OXR1: variants seen among roughly 807,000 people sequenced by gnomAD.
OXR1 encodes oxidation resistance protein 1.
OXR1 carries 41 observed loss-of-function variants against 104.6 expected under a neutral mutation model. That is an observed-to-expected ratio of 0.39 (90% CI 0.31 to 0.51). OXR1 has a LOEUF of 0.51. OXR1 is among the 20% of genes least tolerant of loss of function. The pLI, the probability that OXR1 is intolerant of heterozygous loss-of-function variation, is 0.77. For synonymous variants in OXR1, 348 were observed against 348.4 expected, an observed-to-expected ratio of 1.00 and a Z score of 0.01; for missense variants, 955 against 1,031.9, an observed-to-expected ratio of 0.93 and a Z score of 1.02.
intron 7 of OXR1, chr8:106,697,963 T>G (rs1334103114): frequency 5.6e-6 from 9 of 1,612,748 alleles, no homozygotes; most frequent in Non-Finnish European, 7.6e-6. Flanking sequence ...TTTCTCAATC[T>G]TCTGCTGCAC....
At chr8:106,591,665 A>G (rs1300349146) in intron 3 of OXR1, among the ~76,000 whole-genome samples, 3 of 152,128 alleles carry the variant, frequency 2.0e-5, no homozygotes, top group Non-Finnish European at 4.4e-5. Context: ...GGAATCATAA[A>G]TATTGCTACC....
intron 3 of OXR1, among the ~76,000 whole-genome samples, chr8:106,636,319 T>G (rs935835575): frequency 1.3e-5 from 2 of 152,172 alleles, no homozygotes; most frequent in Non-Finnish European, 2.9e-5. Flanking sequence ...CACATCATTT[T>G]TTTTTTTTTA....
In OXR1 at chr8:106,491,212, G is replaced by A. The variant is rs145848561; in HGVS notation, c.24-27731G>A. Among the ~76,000 whole-genome samples, 205 of 152,204 alleles carry A rather than the reference G, an allele frequency of 1.3e-3. 1 individual carries two copies. The highest frequency in any genetic ancestry group is 4.6e-3 in the African/African-American group (189 of 41,538). The stretch of plus-strand genomic sequence containing the variant: ...CTCTGCCAATCTTACTTAGATACTG[G>A]CCTTGCTTTCCTTTCTTTTTCATTT... On this transcript the variant is annotated intron_variant, in intron 2 of 16. Transcript: ENST00000517566.
intron 2 of OXR1, among the ~76,000 whole-genome samples, chr8:106,475,513 T>G (rs1052544583): frequency 6.6e-6 from 1 of 151,784 alleles, no homozygotes; most frequent in Admixed American, 6.6e-5. Context: ...GCAGGCATAC[T>G]TGGTATAACT....
chr8:106,305,255 C>A (rs1813422024), intron 1 of OXR1, among the ~76,000 whole-genome samples: 1 of 152,008 alleles, frequency 6.6e-6, no homozygotes, highest in Admixed American at 6.6e-5. Context: ...TTTGTGTTAA[C>A]AAGTTTTCTT....
chr8:106,706,445 T>G lies in OXR1; in HGVS notation c.924T>G (p.Thr308=), dbSNP rs1342975839. ...CAAAGAAAATGACAGGAAGTAACAC[T>G]GAGGAAATAGACTCAAGAATCCGAG... The part of the protein sequence containing the change: ...CHSKKMTGSN[T]EEIDSRIRDA... The change falls in exon 9 of 17, where the codon ACT becomes ACG. Residue 308 remains threonine, a synonymous_variant. Transcript: ENST00000517566. 4 of 1,599,400 alleles carry G rather than the reference T, an allele frequency of 2.5e-6. No individual in the cohort carries two copies. The highest frequency in any genetic ancestry group is 2.2e-5 in the East Asian group (1 of 44,578).
intron 11 of OXR1, among the ~76,000 whole-genome samples, chr8:106,726,939 A>C (rs913412344): frequency 3.3e-5 from 5 of 152,154 alleles, no homozygotes; most frequent in African/African-American, 1.2e-4. Context: ...TATTTTGCTT[A>C]TGAATGTTTA....
chr8:106,445,496 C>T (rs1039004517), intron 2 of OXR1, among the ~76,000 whole-genome samples: 2 of 152,188 alleles, frequency 1.3e-5, no homozygotes, highest in Non-Finnish European at 2.9e-5. Flanking sequence ...CCCAGATGCA[C>T]CACTTCCAGC....
chr8:106,696,658 G>C (rs1830060796), intron 7 of OXR1, among the ~76,000 whole-genome samples: 1 of 152,154 alleles, frequency 6.6e-6, no homozygotes, highest in African/African-American at 2.4e-5. Context: ...CGTTCTAATA[G>C]ATCCGTAGTG....
At chr8:106,463,730 G>A (rs1321462634) in intron 2 of OXR1, among the ~76,000 whole-genome samples, 3 of 152,172 alleles carry the variant, frequency 2.0e-5, no homozygotes, top group Non-Finnish European at 4.4e-5. Flanking sequence ...TTGTCTAAAC[G>A]AGCCTATCCG....
intron 1 of OXR1, among the ~76,000 whole-genome samples, chr8:106,356,399 G>T (rs77446193): frequency 1.8e-4 from 27 of 152,176 alleles, no homozygotes; most frequent in African/African-American, 5.8e-4. Context: ...GTCAAACTGA[G>T]GGAAACATTA....
At chr8:106,369,114 T>C (rs917863460) in intron 2 of OXR1, among the ~76,000 whole-genome samples, 18 of 152,254 alleles carry the variant, frequency 1.2e-4, no homozygotes, top group African/African-American at 4.1e-4. Flanking sequence ...TGAGATGGTA[T>C]CTCACTGTGG....
chr8:106,571,663 T>C (rs536693628), intron 3 of OXR1, among the ~76,000 whole-genome samples: 1 of 152,256 alleles, frequency 6.6e-6, no homozygotes, highest in South Asian at 2.1e-4. Context: ...GTCCAAAGTC[T>C]TATCTAACTC....
intron 2 of OXR1, among the ~76,000 whole-genome samples, chr8:106,366,935 T>A (rs1162799685): frequency 6.6e-6 from 1 of 152,096 alleles, no homozygotes; most frequent in African/African-American, 2.4e-5. Context: ...TTTTGTTTGG[T>A]TTTTATTTGT....
chr8:106,302,565 G>A lies in OXR1; in HGVS notation c.-139+32198G>A, dbSNP rs529466992. ...CGCGCCAGTGCACTCCAGCCTGGGC[G>A]ACAGAGCAAGATGCTGTCTCAAAAA... On this transcript the variant is annotated intron_variant, in intron 1 of 16. Coordinates refer to ENST00000517566, the MANE Select transcript of OXR1 (RefSeq NM_001198533.2). Among the ~76,000 whole-genome samples, 10 of 137,566 alleles carry A rather than the reference G, an allele frequency of 7.3e-5. No homozygotes were observed. The South Asian group carries it at 2.3e-3, about 32-fold the overall frequency. 90.2% of individuals were successfully genotyped at this position (137,566 alleles called of 152,430 possible). A position where few individuals can be genotyped will look rare whatever the true frequency, so the allele number is the denominator to read the frequency against.
At chr8:106,673,569 A>T (rs1827257967) in intron 3 of OXR1, among the ~76,000 whole-genome samples, 1 of 152,364 alleles carries the variant, frequency 6.6e-6, no homozygotes, top group East Asian at 1.9e-4. Context: ...CCAGCTGCAG[A>T]TACTTACTTA....
At chr8:106,288,882 C>T (rs1483885514) in intron 1 of OXR1, among the ~76,000 whole-genome samples, 4 of 151,768 alleles carry the variant, frequency 2.6e-5, no homozygotes, top group African/African-American at 4.8e-5. Flanking sequence ...TTCATTCATT[C>T]GTTCTTTCAT....
At chr8:106,364,980 C>T (rs1034781079) in intron 2 of OXR1, among the ~76,000 whole-genome samples, 1 of 152,150 alleles carries the variant, frequency 6.6e-6, no homozygotes, top group Non-Finnish European at 1.5e-5. Flanking sequence ...GAAGTAGAGA[C>T]TTGAACTGTC....
intron 3 of OXR1, among the ~76,000 whole-genome samples, chr8:106,653,982 AAAT>A (rs1824843845): frequency 6.6e-6 from 1 of 152,088 alleles, no homozygotes; most frequent in Non-Finnish European, 1.5e-5. Context: ...TATCAACAAA[AAAT>A]AAAACACTTA....
Sources: gnomAD v4.1 joint callset for allele counts (sites outside exome capture counted in the v4.1 genomes callset) on GRCh38, gnomAD v4.1.1 for gene constraint, MANE v1.5 for transcripts, NCBI Gene and HGNC (gene_info 2026-07-23, HGNC 2026-07-21) for gene names.